PTK2B: variants seen among roughly 807,000 people sequenced by gnomAD.
PTK2B encodes protein-tyrosine kinase 2-beta.
In PTK2B, 71 loss-of-function variants were observed where a neutral mutation model predicts 142.9. That is an observed-to-expected ratio of 0.50 (90% confidence interval 0.41 to 0.61). The LOEUF is 0.61. Ranked by LOEUF, PTK2B falls within the 20% of genes least tolerant of loss-of-function variation. The probability of loss-of-function intolerance (pLI) is 0.00; values close to 1 mark genes in which losing one functional copy is unlikely to be tolerated. For missense variants in PTK2B, 1,105 were observed against 1,320.4 expected (o/e 0.84, Z 2.53); for synonymous variants, 519 against 503.4 (o/e 1.03, Z -0.42).
chr8:27,317,410 T>G (rs1217071190), intron 3 of PTK2B, among the ~76,000 whole-genome samples: 1 of 152,232 alleles, frequency 6.6e-6, no homozygotes, highest in Admixed American at 6.5e-5. Flanking sequence ...GGCAATATTA[T>G]GTCTTCCAAT....
At chr8:27,344,029 A>T (rs1327467021) in intron 1 of PTK2B, among the ~76,000 whole-genome samples, 2 of 152,110 alleles carry the variant, frequency 1.3e-5, no homozygotes, top group African/African-American at 4.8e-5. Flanking sequence ...AAAAAATAAA[A>T]AAATAAAAAT....
At chr8:27,367,772 C>T (rs138003020) in intron 1 of PTK2B, among the ~76,000 whole-genome samples, 12 of 152,264 alleles carry the variant, frequency 7.9e-5, no homozygotes, top group African/African-American at 2.4e-4. Flanking sequence ...AAGATAGAAG[C>T]AGGGGAGGTG....
chr8:27,368,231 C>G (rs1806133614), intron 1 of PTK2B, among the ~76,000 whole-genome samples: 2 of 152,220 alleles, frequency 1.3e-5, no homozygotes, highest in Admixed American at 6.5e-5. Context: ...CCCAAATATC[C>G]TGCTCTCTTT....
intron 19 of PTK2B, 55 bp from the exon 20 acceptor site, chr8:27,439,254 T>G (rs1030107517): frequency 1.3e-6 from 2 of 1,563,906 alleles, no homozygotes; most frequent in African/African-American, 2.7e-5. Flanking sequence ...AGGATGTATT[T>G]CTGGATAATT....
Position 27,435,725 on chromosome 8 carries a change from C to A in PTK2B, c.1193-18C>A. ...AAGGGCATCTTGTCCACGGCTGAGC[C>A]TCTTCCTGTTGTTCCAGAGTCAGAC... is the stretch of plus-strand genomic sequence containing the variant. On this transcript the variant is annotated intron_variant, in intron 13 of 30. Transcript: ENST00000346049. The A allele has an allele frequency of 6.2e-7, 1 of 1,614,046 alleles. No individual in the cohort carries two copies. The highest frequency in any genetic ancestry group is 2.2e-5 in the East Asian group (1 of 44,876).
In PTK2B at chr8:27,450,743, T is replaced by A. The variant is rs1811750912; in HGVS notation, c.2341-6T>A. The A allele has an allele frequency of 6.2e-7, 1 of 1,613,972 alleles. No homozygotes were observed. The highest frequency in any genetic ancestry group is 1.1e-5 in the South Asian group (1 of 91,074). The stretch of plus-strand genomic sequence containing the variant: ...ATCCTCTCCCTTCTCTCTGCCGTCC[T>A]CCCAGGAGGAGGACTTCATCCAACC... On this transcript the variant is annotated splice_region_variant and splice_polypyrimidine_tract_variant and intron_variant, in intron 24 of 30. Coordinates refer to ENST00000346049, the MANE Select transcript of PTK2B (RefSeq NM_173176.3).
intron 1 of PTK2B, among the ~76,000 whole-genome samples, chr8:27,327,260 A>G (rs1240299712): frequency 6.6e-6 from 1 of 152,090 alleles, no homozygotes; most frequent in Non-Finnish European, 1.5e-5. Context: ...AAGGCTTTGG[A>G]AGGCCTGCCA....
At chr8:27,346,676 A>C (rs552991660) in intron 1 of PTK2B, among the ~76,000 whole-genome samples, 21 of 152,342 alleles carry the variant, frequency 1.4e-4, no homozygotes, top group Non-Finnish European at 2.6e-4. Flanking sequence ...TTGAACAACA[A>C]ATTATTTGAG....
rs1401470441 is a variant in PTK2B, at chr8:27,458,394, G to T, written c.2915G>T (p.Cys972Phe). 6.2e-7 allele frequency: 1 copy of T among 1,613,322 alleles called. No individual in the cohort carries two copies. The highest frequency in any genetic ancestry group is 2.2e-5 in the East Asian group (1 of 44,892). ...GCCGTGACCTCCCTAAGTGAGGAGT[G>T]CAAGAGGCAGATGCTGACGGCTTCA... ...QNAVTSLSEE[C>F]KRQMLTASHT... Residue 972 changes from cysteine to phenylalanine, a missense_variant, in exon 31 of 31, where the codon TGC becomes TTC. Physicochemically the swap from Cys to Phe is radical, Grantham distance 205. Coordinates refer to ENST00000346049, the MANE Select transcript of PTK2B (RefSeq NM_173176.3).
chr8:27,319,845 G>A (rs1803172719), intron 3 of PTK2B, among the ~76,000 whole-genome samples: 1 of 152,118 alleles, frequency 6.6e-6, no homozygotes, highest in Non-Finnish European at 1.5e-5. Context: ...AAATGGTGGT[G>A]TATTAGCTAG....
intron 1 of PTK2B, among the ~76,000 whole-genome samples, chr8:27,347,833 A>G (rs550107643): frequency 1.2e-4 from 18 of 152,250 alleles, no homozygotes; most frequent in Admixed American, 7.8e-4. Context: ...TGCAATCACT[A>G]TATTTCTACC....
upstream of PTK2B, among the ~76,000 whole-genome samples, chr8:27,321,206 G>C (rs1456280412): frequency 6.6e-6 from 1 of 151,668 alleles, no homozygotes; most frequent in Non-Finnish European, 1.5e-5. Context: ...ACGTTGGCCA[G>C]GCTGGCCTCG....
intron 1 of PTK2B, among the ~76,000 whole-genome samples, chr8:27,393,334 C>A (rs1807836642): frequency 6.6e-6 from 1 of 152,184 alleles, no homozygotes; most frequent in Non-Finnish European, 1.5e-5. Flanking sequence ...AAAGGGAGAA[C>A]TGAGGAACTT....
chr8:27,436,361 A>C lies in PTK2B; in HGVS notation c.1341+13A>C. On this transcript the variant is annotated intron_variant, in intron 15 of 30. Coordinates refer to ENST00000346049, the MANE Select transcript of PTK2B (RefSeq NM_173176.3). ...CTACACAAATCACGTGAGTTCTAGG[A>C]TCTTCCCTTACACTCCTCTTCCACA... 6.3e-7 allele frequency: 1 copy of C among 1,596,256 alleles called. No individual in the cohort carries two copies. Among genetic ancestry groups the C allele is most frequent in the Non-Finnish European group, 8.6e-7 (1 of 1,163,808 alleles).
At chr8:27,398,432 G>C (rs557132980) in intron 2 of PTK2B, among the ~76,000 whole-genome samples, 2 of 152,334 alleles carry the variant, frequency 1.3e-5, no homozygotes, top group Admixed American at 1.3e-4. Context: ...ATATGAGATT[G>C]TCATCATAAG....
intron 1 of PTK2B, among the ~76,000 whole-genome samples, chr8:27,384,207 G>C (rs1365653278): frequency 6.6e-6 from 1 of 151,632 alleles, no homozygotes; most frequent in Non-Finnish European, 1.5e-5. Context: ...ATTTGTGCAG[G>C]CTGGTCTCAA....
At chr8:27,405,673 G>A (rs763845933) in intron 2 of PTK2B, among the ~76,000 whole-genome samples, 13 of 152,212 alleles carry the variant, frequency 8.5e-5, no homozygotes, top group South Asian at 8.3e-4. Context: ...AGGTAGACAC[G>A]CAGGTTCCGG....
At chr8:27,328,810 T>C (rs1803565625) in intron 1 of PTK2B, among the ~76,000 whole-genome samples, 1 of 152,172 alleles carries the variant, frequency 6.6e-6, no homozygotes, top group African/African-American at 2.4e-5. Context: ...TGAGGGCAGT[T>C]TGGGGACCAA....
At chr8:27,383,132 G>A (rs1454685966) in intron 1 of PTK2B, among the ~76,000 whole-genome samples, 28 of 152,120 alleles carry the variant, frequency 1.8e-4, no homozygotes, top group Admixed American at 1.2e-3. Context: ...CATGGAATTC[G>A]TAGAGCGCTT....
Sources: gnomAD v4.1 joint callset for allele counts (sites outside exome capture counted in the v4.1 genomes callset) on GRCh38, gnomAD v4.1.1 for gene constraint, MANE v1.5 for transcripts, NCBI Gene and HGNC (gene_info 2026-07-23, HGNC 2026-07-21) for gene names.